Variants in GFOD1 observed in about 807,000 individuals in gnomAD.
GFOD1 encodes the protein glucose-fructose oxidoreductase domain-containing protein 1.
A neutral mutation model predicts 25.4 loss-of-function variants in GFOD1; 9 were observed. The observed-to-expected ratio is 0.35, with a 90% CI of 0.21 to 0.62. The LOEUF (loss-of-function observed/expected upper bound fraction) is 0.62. Ranked by LOEUF, GFOD1 falls within the 20% of genes least tolerant of loss-of-function variation. The pLI is 0.72. For missense variants in GFOD1, 403 were observed against 556.9 expected (o/e 0.72, Z 2.78); for synonymous variants, 253 against 245.6 (o/e 1.03, Z -0.28).
chr6:13,428,001 C>G (rs1391563921), intron 1 of GFOD1, among the ~76,000 whole-genome samples: 1 of 152,186 alleles, frequency 6.6e-6, no homozygotes, highest in Non-Finnish European at 1.5e-5. Context: ...GCTCTCTTTT[C>G]AAACACCTCC....
At chr6:13,427,095 G>A (rs946272993) in intron 1 of GFOD1, among the ~76,000 whole-genome samples, 3 of 152,214 alleles carry the variant, frequency 2.0e-5, no homozygotes, top group Non-Finnish European at 2.9e-5. Flanking sequence ...GACCTCACAG[G>A]ACAAAACTGA....
intron 1 of GFOD1, among the ~76,000 whole-genome samples, chr6:13,471,381 G>A (rs1758500717): frequency 6.6e-6 from 1 of 152,066 alleles, no homozygotes; most frequent in South Asian, 2.1e-4. Context: ...CTACCCATGA[G>A]CAAAGGCAGA....
At chr6:13,451,446 G>A (rs369320076) in intron 1 of GFOD1, among the ~76,000 whole-genome samples, 268 of 152,256 alleles carry the variant, frequency 1.8e-3, no homozygotes, top group African/African-American at 6.1e-3. Context: ...CATGATGTAC[G>A]AGAGCTTGTA....
At chr6:13,433,265 A>G (rs1049937982) in intron 1 of GFOD1, among the ~76,000 whole-genome samples, 7 of 152,024 alleles carry the variant, frequency 4.6e-5, no homozygotes, top group African/African-American at 1.7e-4. Flanking sequence ...GATTACATGC[A>G]CCTGCCACCA....
At chr6:13,406,178 C>T (rs530666838) in intron 1 of GFOD1, among the ~76,000 whole-genome samples, 3 of 152,320 alleles carry the variant, frequency 2.0e-5, no homozygotes, top group East Asian at 3.9e-4. Flanking sequence ...CAGTAAAGTA[C>T]AGACATCTGG....
intron 1 of GFOD1, among the ~76,000 whole-genome samples, chr6:13,412,675 C>A (rs1305575917): frequency 6.6e-6 from 1 of 152,220 alleles, no homozygotes; most frequent in Non-Finnish European, 1.5e-5. Context: ...GGAGAACCAG[C>A]GTGGGCTGCA....
At chr6:13,447,308 T>G (rs1323582479) in intron 1 of GFOD1, among the ~76,000 whole-genome samples, 1 of 152,204 alleles carries the variant, frequency 6.6e-6, no homozygotes, top group African/African-American at 2.4e-5. Flanking sequence ...TGCATCAGCC[T>G]GCAAGTCAGG....
At position 13,364,920 on chromosome 6, in the gene GFOD1, G is replaced by C. The variant is rs1172527305; in HGVS notation, c.996C>G (p.Thr332=). ...DRRTWDGRPL[T]MAATFDDCLY... is the part of the protein sequence containing the mutation. ...GGCAGTCGTCGAAGGTGGCGGCCAT[G>C]GTGAGGGGCCGCCCATCCCACGTGC... The change falls in exon 2 of 2, where the codon ACC becomes ACG. Residue 332 remains threonine (T), a synonymous_variant. Transcript: ENST00000379287. This position sits in a 1 kb window ranked among gnomAD's most constrained non-coding sequence, Gnocchi z 4.1. 10 of 1,612,906 alleles carry C rather than the reference G, an allele frequency of 6.2e-6. No individual in the cohort carries two copies. The highest frequency in any genetic ancestry group is 3.3e-5 in the Admixed American group (2 of 60,026).
At chr6:13,451,929 G>C (rs1758105559) in intron 1 of GFOD1, among the ~76,000 whole-genome samples, 2 of 152,178 alleles carry the variant, frequency 1.3e-5, no homozygotes, top group African/African-American at 4.8e-5. Flanking sequence ...ATGGGGATTT[G>C]GATTGGATTT....
In GFOD1 at chr6:13,365,961, A is replaced by G. The variant is rs1785038907; in HGVS notation, c.254-299T>C. Among the ~76,000 whole-genome samples the G allele has an allele frequency of 6.7e-6, 1 of 149,860 alleles. No homozygotes were observed. The highest frequency in any genetic ancestry group is 2.4e-5 in the African/African-American group (1 of 40,926). Reference sequence around the variant, plus strand: ...GTGGTGCACGCCTGTGGTCCCAGCTACTCAGGAGGCCGAAGTGGGAGGATC... The same window carrying G: ...GTGGTGCACGCCTGTGGTCCCAGCTGCTCAGGAGGCCGAAGTGGGAGGATC... On this transcript the variant is annotated intron_variant, in intron 1 of 1. Transcript: ENST00000379287. The surrounding 1 kb of genome is among the most constrained non-coding windows in gnomAD (Gnocchi z 9.2).
chr6:13,466,691 T>C (rs988077594), intron 1 of GFOD1, among the ~76,000 whole-genome samples: 1 of 152,016 alleles, frequency 6.6e-6, no homozygotes, highest in African/African-American at 2.4e-5. Context: ...CATCTTTCCT[T>C]GGTGCAGTGG....
chr6:13,433,687 A>G (rs1757787828), intron 1 of GFOD1, among the ~76,000 whole-genome samples: 1 of 152,062 alleles, frequency 6.6e-6, no homozygotes, highest in Admixed American at 6.5e-5. Context: ...TTTGTCCTTC[A>G]TGTTGCATTC....
intron 1 of GFOD1, among the ~76,000 whole-genome samples, chr6:13,434,239 A>G (rs1387240471): frequency 5.7e-4 from 47 of 82,232 alleles, no homozygotes; most frequent in Non-Finnish European, 1.0e-3. Context: ...AGCATTATGG[A>G]AGCACAGAAG....
intron 1 of GFOD1, among the ~76,000 whole-genome samples, chr6:13,445,694 T>C (rs576202424): frequency 6.6e-6 from 1 of 152,364 alleles, no homozygotes; most frequent in African/African-American, 2.4e-5. Flanking sequence ...CCCTTATTTC[T>C]GCAGAATCAA....
intron 1 of GFOD1, among the ~76,000 whole-genome samples, chr6:13,425,864 T>A (rs1282240362): frequency 1.5e-5 from 2 of 133,530 alleles, no homozygotes; most frequent in Admixed American, 7.4e-5. Context: ...TGATAGCTGA[T>A]AAGCTAGGAA....
chr6:13,388,392 A>G (rs1785517452), intron 1 of GFOD1, among the ~76,000 whole-genome samples: 6 of 152,252 alleles, frequency 3.9e-5, no homozygotes, highest in Admixed American at 3.9e-4. Context: ...CCAAAACAGC[A>G]TGGTATTGGT....
At chr6:13,448,854 T>C (rs1004302329) in intron 1 of GFOD1, among the ~76,000 whole-genome samples, 3 of 152,226 alleles carry the variant, frequency 2.0e-5, no homozygotes, top group African/African-American at 4.8e-5. Context: ...TGCTGACTTC[T>C]AGCCCTAGCT....
chr6:13,474,854 G>C (rs1452595212), intron 1 of GFOD1, among the ~76,000 whole-genome samples: 1 of 152,178 alleles, frequency 6.6e-6, no homozygotes, highest in Non-Finnish European at 1.5e-5. Flanking sequence ...CAATGCCAGA[G>C]CCCCAGGCAT....
At chr6:13,374,267 TTTTTTTTGTGTG>T (rs1307883964) in intron 1 of GFOD1, among the ~76,000 whole-genome samples, 3 of 133,930 alleles carry the variant, frequency 2.2e-5, no homozygotes, top group South Asian at 2.3e-4. Flanking sequence ...AAAATATGTT[TTTTTTTTGTGTG>T]TGTGTGTGTG....
Sources: gnomAD v4.1 joint callset for allele counts (sites outside exome capture counted in the v4.1 genomes callset) on GRCh38, gnomAD v4.1.1 for gene constraint, Gnocchi (gnomAD v3.1) non-coding constraint, MANE v1.5 for transcripts, NCBI Gene and HGNC (gene_info 2026-07-23, HGNC 2026-07-21) for gene names.